Variants in PRKCZ observed in about 807,000 individuals in gnomAD.
PRKCZ encodes the protein protein kinase C zeta type.
PRKCZ carries 33 observed loss-of-function variants against 79.5 expected under a neutral mutation model. The observed-to-expected ratio is 0.41, with a 90% CI of 0.31 to 0.55. The LOEUF is 0.55. Ranked by LOEUF, PRKCZ falls within the 20% of genes least tolerant of loss-of-function variation. The pLI is 0.19. For missense variants in PRKCZ, 578 were observed against 813.5 expected (o/e 0.71, Z 3.52); for synonymous variants, 342 against 320.9 (o/e 1.07, Z -0.70).
intron 10 of PRKCZ, among the ~76,000 whole-genome samples, chr1:2,166,081 G>A (rs1381997091): frequency 6.6e-6 from 1 of 152,182 alleles, no homozygotes; most frequent in Non-Finnish European, 1.5e-5. Flanking sequence ...GGTTGTTGAT[G>A]AATCCATTTT....
chr1:2,074,179 T>C lies in PRKCZ; in HGVS notation c.334+14588T>C, dbSNP rs1661954759. 6 of 1,549,778 alleles carry C rather than the reference T, an allele frequency of 3.9e-6. No homozygotes were observed. In the South Asian group the frequency reaches 7.1e-5, roughly 18 times the overall value. ...GGAAACGCAGTGAGAGGCTGTTGTT[T>C]TGCGGGTGACAGATTTTTAGAAAAA... is the stretch of plus-strand genomic sequence containing the variant. On this transcript the variant is annotated intron_variant, in intron 4 of 17. Coordinates refer to ENST00000378567, the MANE Select transcript of PRKCZ (RefSeq NM_002744.6).
At chr1:2,057,644 T>G (rs912834311) in intron 3 of PRKCZ, among the ~76,000 whole-genome samples, 2 of 152,058 alleles carry the variant, frequency 1.3e-5, no homozygotes, top group Non-Finnish European at 1.5e-5. Context: ...GGTGGGAGGA[T>G]CGCTTCAGCC....
Position 2,121,669 on chromosome 1 carries a change from TGGTGGTGGTTAGGGTCAC to T in PRKCZ, c.335-13568_335-13551del, listed in dbSNP as rs1672029235. Among the ~76,000 whole-genome samples the T allele has an allele frequency of 1.5e-4, 4 of 26,318 alleles. 1 individual carries two copies. Among genetic ancestry groups the T allele is most frequent in the East Asian group, 1.2e-3 (1 of 828 alleles). The allele number at this position is 26,318 out of a possible 152,430, so 17.3% of individuals were successfully genotyped here. On this transcript the variant is annotated intron_variant, in intron 4 of 17. Coordinates refer to ENST00000378567, the MANE Select transcript of PRKCZ (RefSeq NM_002744.6). ...AGGGTCACGGTGGTGGTTAGGGTCG[TGGTGGTGGTTAGGGTCAC>T]GGTGGTGGTTAGGGTCACGGTGGTA...
chr1:2,080,193 G>C lies in PRKCZ; in HGVS notation c.334+20602G>C, dbSNP rs565172386. Among the ~76,000 whole-genome samples, 13 of 152,246 alleles carry C rather than the reference G, an allele frequency of 8.5e-5. No individual in the cohort carries two copies. The South Asian group carries it at 2.7e-3, about 32-fold the overall frequency. ...GGTTTTTTGGAGTTTTTCTTCCTTT[G>C]GTCTTGGGAGGGAGAGTCAGTCAGT... On this transcript the variant is annotated intron_variant, in intron 4 of 17. Transcript: ENST00000378567.
At chr1:2,111,115 G>A (rs376187889) in intron 4 of PRKCZ, among the ~76,000 whole-genome samples, 6 of 152,098 alleles carry the variant, frequency 3.9e-5, no homozygotes, top group East Asian at 1.9e-4. Flanking sequence ...TGGGTATTGC[G>A]GCAGGGAAGG....
intron 4 of PRKCZ, among the ~76,000 whole-genome samples, chr1:2,118,428 C>T (rs1257457027): frequency 1.3e-5 from 2 of 151,208 alleles, no homozygotes; most frequent in African/African-American, 4.9e-5. Flanking sequence ...AGCTCTGCCT[C>T]CTGGGTTCAC....
At chr1:2,085,882 G>A (rs1664434551) in intron 4 of PRKCZ, among the ~76,000 whole-genome samples, 2 of 152,124 alleles carry the variant, frequency 1.3e-5, no homozygotes, top group African/African-American at 2.4e-5. Flanking sequence ...GGGAGGCCCC[G>A]GTCTTACTGT....
intron 5 of PRKCZ, among the ~76,000 whole-genome samples, chr1:2,139,732 C>T (rs1459053480): frequency 1.3e-5 from 2 of 152,228 alleles, no homozygotes; most frequent in Non-Finnish European, 2.9e-5. Flanking sequence ...GCGATGTTCC[C>T]ATCCTGCCTC....
intron 1 of PRKCZ, among the ~76,000 whole-genome samples, chr1:2,052,392 C>G (rs1270092309): frequency 3.3e-5 from 5 of 151,424 alleles, no homozygotes; most frequent in Non-Finnish European, 5.9e-5. Context: ...CCTCTTCCCT[C>G]CCTTCCCGGA....
At chr1:2,081,797 C>T (rs912277750) in intron 4 of PRKCZ, among the ~76,000 whole-genome samples, 34 of 152,134 alleles carry the variant, frequency 2.2e-4, no homozygotes, top group African/African-American at 5.8e-4. Context: ...AGCTCAGGCA[C>T]GCCCCCCACA....
At chr1:2,105,624 T>G (rs2102635048) in intron 4 of PRKCZ, among the ~76,000 whole-genome samples, 2 of 152,330 alleles carry the variant, frequency 1.3e-5, no homozygotes, top group South Asian at 4.1e-4. Flanking sequence ...GGTCTCAAAC[T>G]CCTGACCTCA....
rs916181816 is a variant in PRKCZ, at chr1:2,167,730, G to T, written c.975-1788G>T. Reference sequence around the variant, plus strand: ...GCGATTCTCCTGCCCTCAGCCTCCCGAGTAGCTGAGATTACAGGTGCACAC... The same window carrying T: ...GCGATTCTCCTGCCCTCAGCCTCCCTAGTAGCTGAGATTACAGGTGCACAC... On this transcript the variant is annotated intron_variant, in intron 10 of 17. Transcript: ENST00000378567. 2.0e-5 allele frequency among the ~76,000 whole-genome samples: 3 copies of T among 152,174 alleles called. No individual in the cohort carries two copies. In the South Asian group the frequency reaches 6.2e-4, roughly 32 times the overall value.
At chr1:2,115,719 A>C (rs773821474) in intron 4 of PRKCZ, among the ~76,000 whole-genome samples, 2 of 152,026 alleles carry the variant, frequency 1.3e-5, no homozygotes, top group African/African-American at 4.8e-5. Context: ...TCAGGAAAAC[A>C]CTTTGCTTAG....
At position 2,164,414 on chromosome 1, in the gene PRKCZ, G is replaced by A. The variant is rs559004279; in HGVS notation, c.975-5104G>A. ...CGTGGGGCCACACTGTGACTGTCGG[G>A]GGACTCTGCAGTGTGGCTGCACAGT... On this transcript the variant is annotated intron_variant, in intron 10 of 17. Transcript: ENST00000378567. 1.2e-4 allele frequency among the ~76,000 whole-genome samples: 19 copies of A among 152,336 alleles called. 1 individual carries two copies. In the South Asian group the frequency reaches 3.3e-3, roughly 27 times the overall value.
intron 10 of PRKCZ, among the ~76,000 whole-genome samples, chr1:2,160,373 G>A (rs916116025): frequency 6.6e-6 from 1 of 152,166 alleles, no homozygotes; most frequent in Non-Finnish European, 1.5e-5. Flanking sequence ...GTCAGGAGGC[G>A]TGGCACCCGG....
intron 4 of PRKCZ, among the ~76,000 whole-genome samples, chr1:2,108,225 G>A (rs1668979656): frequency 1.3e-5 from 2 of 152,256 alleles, no homozygotes; most frequent in South Asian, 4.1e-4. Flanking sequence ...CAAGCGCGTG[G>A]TGAGGCCGTC....
chr1:2,077,222 G>A (rs1297419388), intron 4 of PRKCZ, among the ~76,000 whole-genome samples: 2 of 152,246 alleles, frequency 1.3e-5, no homozygotes, highest in Non-Finnish European at 2.9e-5. Context: ...TCTGGTGGGT[G>A]GAAGGGGCCC....
chr1:2,140,226 A>C (rs910172129), intron 5 of PRKCZ, among the ~76,000 whole-genome samples: 1 of 152,256 alleles, frequency 6.6e-6, no homozygotes, highest in Non-Finnish European at 1.5e-5. Flanking sequence ...CTGAGCTCGC[A>C]ATGGAAAACC....
rs1482864445 is a variant in PRKCZ at position 2,185,167 on chromosome 1, G to C, written c.*158G>C. ...GGGAAGCGTCAGCGGGCGCTGCTGG[G>C]AGCAGAACAGTCCCTCACACCTGGG... On this transcript the variant is annotated 3_prime_UTR_variant, in exon 18 of 18. Coordinates refer to ENST00000378567, the MANE Select transcript of PRKCZ (RefSeq NM_002744.6). The C allele has an allele frequency of 4.0e-6, 3 of 749,158 alleles. No individual in the cohort carries two copies. The Admixed American group carries it at 6.2e-5, about 15-fold the overall frequency. The allele number at this position is 749,158 out of a possible 1,614,324, so 46.4% of individuals were successfully genotyped here. A position where few individuals can be genotyped will look rare whatever the true frequency, so the allele number is the denominator to read the frequency against.
Sources: gnomAD v4.1 joint callset for allele counts (sites outside exome capture counted in the v4.1 genomes callset) on GRCh38, gnomAD v4.1.1 for gene constraint, MANE v1.5 for transcripts, NCBI Gene and HGNC (gene_info 2026-07-23, HGNC 2026-07-21) for gene names.